The following EPHA3 variants were observed in gnomAD, a reference collection of about 807,000 sequenced individuals.
EPHA3 encodes the protein ephrin type-A receptor 3.
EPHA3 carries 42 observed loss-of-function variants against 107.1 expected under a neutral mutation model. That is an observed-to-expected ratio of 0.39 (90% CI 0.31 to 0.51). The LOEUF is 0.51. Ranked by LOEUF, EPHA3 falls within the 20% of genes least tolerant of loss-of-function variation. The pLI is 0.78. For synonymous variants in EPHA3, 461 were observed against 424.8 expected (o/e 1.09, Z -1.05); for missense variants, 1,183 against 1,211.2 (o/e 0.98, Z 0.35).
Position 89,431,255 on chromosome 3 carries a change from G to T in EPHA3, c.2242G>T (p.Ala748Ser). 1 of 1,613,712 alleles carries T rather than the reference G, an allele frequency of 6.2e-7. No individual in the cohort carries two copies. Residue 748 changes from alanine (A) to serine (S), a missense_variant, in exon 13 of 17, where the codon GCT (alanine) becomes TCT (serine). Ala to Ser is a moderately conservative substitution (Grantham distance 99, BLOSUM62 1). Transcript: ENST00000336596. ...CATGGGCTATGTTCACCGAGACCTC[G>T]CTGCTCGGAACATCTTGATCAACAG... ...SDMGYVHRDL[A>S]ARNILINSNL...
rs202102528 is a variant in EPHA3, at chr3:89,439,756, T to C, written c.2346+8397T>C. On this transcript the variant is annotated intron_variant, in intron 13 of 16. Transcript: ENST00000336596. ...ACACACACACACACACACACACACA[T>C]ATATATATGTATGTATGTATATAGA... Among the ~76,000 whole-genome samples, 333 of 142,992 alleles carry C rather than the reference T, an allele frequency of 2.3e-3. 1 individual carries two copies. Among genetic ancestry groups the C allele is most frequent in the East Asian group, 0.012 (55 of 4,508 alleles). The allele number at this position is 142,992 out of a possible 152,430, so 93.8% of individuals were successfully genotyped here. A position where few individuals can be genotyped will look rare whatever the true frequency, so the allele number is the denominator to read the frequency against.
intron 3 of EPHA3, among the ~76,000 whole-genome samples, chr3:89,332,754 A>C (rs1707315907): frequency 2.0e-5 from 3 of 152,274 alleles, no homozygotes; most frequent in Admixed American, 2.0e-4. Flanking sequence ...TCTAGTCATT[A>C]GTTTGTGTTT....
chr3:89,386,175 T>G (rs1242715344), intron 5 of EPHA3, among the ~76,000 whole-genome samples: 1 of 152,070 alleles, frequency 6.6e-6, no homozygotes, highest in Admixed American at 6.6e-5. Context: ...GGGGGAGAAA[T>G]TCAAGCTGGC....
intron 1 of EPHA3, among the ~76,000 whole-genome samples, chr3:89,118,656 A>G (rs1325308415): frequency 4.0e-5 from 6 of 151,876 alleles, no homozygotes; most frequent in Non-Finnish European, 8.8e-5. Context: ...AAGGGTTGAT[A>G]TATAACTAAT....
intron 2 of EPHA3, among the ~76,000 whole-genome samples, chr3:89,178,810 A>G (rs1167170272): frequency 2.0e-5 from 3 of 151,914 alleles, no homozygotes; most frequent in Non-Finnish European, 4.4e-5. Flanking sequence ...GGGTAAAAGA[A>G]AAGTGTTTTA....
chr3:89,176,403 G>A (rs1455222919), intron 2 of EPHA3, among the ~76,000 whole-genome samples: 2 of 147,824 alleles, frequency 1.4e-5, no homozygotes, highest in African/African-American at 2.5e-5. Context: ...GAGAATAGGA[G>A]AATCTCTTGA....
At chr3:89,163,989 A>G (rs1474573077) in intron 2 of EPHA3, among the ~76,000 whole-genome samples, 2 of 152,338 alleles carry the variant, frequency 1.3e-5, no homozygotes, top group Admixed American at 1.3e-4. Flanking sequence ...AGTTAGGAGC[A>G]ACAAACCAGA....
In EPHA3 at chr3:89,310,947, G is replaced by A. The variant is rs181816694; in HGVS notation, c.815-29969G>A. Among the ~76,000 whole-genome samples the A allele has an allele frequency of 2.6e-5, 4 of 152,042 alleles. 1 individual carries two copies. The East Asian group carries it at 7.8e-4, about 30-fold the overall frequency. On this transcript the variant is annotated intron_variant, in intron 3 of 16. Coordinates refer to ENST00000336596, the MANE Select transcript of EPHA3 (RefSeq NM_005233.6). The stretch of plus-strand genomic sequence containing the variant: ...ACAGTCTTTGAAGCCAAAATGCCTA[G>A]GTTCTTATCCTGACTCTGCCATTTC...
At chr3:89,204,307 G>T (rs1706046829) in intron 2 of EPHA3, among the ~76,000 whole-genome samples, 1 of 152,060 alleles carries the variant, frequency 6.6e-6, no homozygotes, top group African/African-American at 2.4e-5. Context: ...ATGAATAGTA[G>T]CCATTATAAT....
chr3:89,124,523 A>G (rs1270629765), intron 1 of EPHA3, among the ~76,000 whole-genome samples: 2 of 152,096 alleles, frequency 1.3e-5, no homozygotes, highest in Non-Finnish European at 2.9e-5. Flanking sequence ...ATGTGCTTTT[A>G]AAGTGTGTTT....
chr3:89,192,540 T>C (rs1705745148), intron 2 of EPHA3, among the ~76,000 whole-genome samples: 1 of 151,958 alleles, frequency 6.6e-6, no homozygotes, highest in Non-Finnish European at 1.5e-5. Context: ...ATAAATAAAA[T>C]GACTGTAGGA....
intron 1 of EPHA3, among the ~76,000 whole-genome samples, chr3:89,113,738 TG>T (rs140518086): frequency 0.17 from 24,259 of 141,500 alleles, 2,289 homozygotes; most frequent in African/African-American, 0.29. Context: ...GGGGTTGAGG[TG>T]GGGGGGGGCT....
chr3:89,461,098 T>G, intron 15 of EPHA3, among the ~76,000 whole-genome samples: 1 of 90,598 alleles, frequency 1.1e-5, no homozygotes, highest in Non-Finnish European at 2.1e-5. Flanking sequence ...ATTCTTGCGA[T>G]AGTTTACTGA....
At chr3:89,257,435 T>C (rs984518311) in intron 3 of EPHA3, among the ~76,000 whole-genome samples, 1 of 152,104 alleles carries the variant, frequency 6.6e-6, no homozygotes, top group African/African-American at 2.4e-5. Flanking sequence ...AACAACAAGG[T>C]GATCTTTGCC....
chr3:89,324,155 CTTTTTT>C (rs749957896), intron 3 of EPHA3, among the ~76,000 whole-genome samples: 5 of 118,984 alleles, frequency 4.2e-5, no homozygotes, highest in African/African-American at 9.4e-5. Context: ...AGATGTCAGT[CTTTTTT>C]TTTTTTTTTT....
intron 3 of EPHA3, among the ~76,000 whole-genome samples, chr3:89,251,825 A>C (rs1466845815): frequency 6.6e-6 from 1 of 152,170 alleles, no homozygotes; most frequent in Non-Finnish European, 1.5e-5. Flanking sequence ...TTAGCATCAC[A>C]GCCATACATT....
At chr3:89,316,180 A>G (rs1203901396) in intron 3 of EPHA3, among the ~76,000 whole-genome samples, 1 of 151,752 alleles carries the variant, frequency 6.6e-6, no homozygotes, top group Non-Finnish European at 1.5e-5. Flanking sequence ...GCACAGGAGG[A>G]GAAAATCACC....
intron 3 of EPHA3, among the ~76,000 whole-genome samples, chr3:89,291,988 T>G (rs1370533347): frequency 6.6e-6 from 1 of 152,170 alleles, no homozygotes; most frequent in African/African-American, 2.4e-5. Context: ...GTTGACAAAT[T>G]CACATGCTCC....
At chr3:89,289,731 A>T (rs566846505) in intron 3 of EPHA3, among the ~76,000 whole-genome samples, 1 of 152,116 alleles carries the variant, frequency 6.6e-6, no homozygotes, top group South Asian at 2.1e-4. Context: ...GGTGACAGAG[A>T]GAGTTGAGAC....
Sources: gnomAD v4.1 joint callset for allele counts (sites outside exome capture counted in the v4.1 genomes callset) on GRCh38, gnomAD v4.1.1 for gene constraint, MANE v1.5 for transcripts, NCBI Gene and HGNC (gene_info 2026-07-23, HGNC 2026-07-21) for gene names.